The following ZRANB1 variants were observed in gnomAD, a reference collection of about 807,000 sequenced individuals.
The protein encoded by ZRANB1 is ubiquitin thioesterase ZRANB1.
ZRANB1 carries 16 observed loss-of-function variants against 80.5 expected under a neutral mutation model. That is an observed-to-expected ratio of 0.20 (90% confidence interval 0.13 to 0.30). The LOEUF is 0.30. Among genes scored for constraint, ZRANB1 ranks in the 10% least tolerant of loss-of-function variants. ZRANB1 has a pLI of 1.00. For synonymous variants in ZRANB1, 291 were observed against 293.1 expected, an observed-to-expected ratio of 0.99 and a Z score of 0.07; for missense variants, 576 against 862.6, an observed-to-expected ratio of 0.67 and a Z score of 4.16.
At position 124,974,283 on chromosome 10, in the gene ZRANB1, C is replaced by T. The variant is rs2133987173; in HGVS notation, c.1312C>T (p.Arg438Trp). 6.2e-7 allele frequency: 1 copy of T among 1,614,176 alleles called. No individual in the cohort carries two copies. Among genetic ancestry groups the T allele is most frequent in the South Asian group, 1.1e-5 (1 of 91,082 alleles). ...LDSRLYALWN[R>W]TAGDCLLDSV... ...CAGTCGACTGTATGCACTTTGGAAC[C>T]GGACTGCAGGAGACTGCCTACTTGA... is the stretch of plus-strand genomic sequence containing the variant. The change falls in exon 5 of 9, where the codon CGG becomes TGG. Residue 438 changes from arginine (R) to tryptophan (W), a missense_variant. Arg to Trp is a moderately radical substitution (Grantham distance 101, BLOSUM62 -3). This residue lies in a region of ZRANB1 where 411 missense variants were observed against 583.1 expected (regional missense o/e 0.70). Transcript: ENST00000359653.
chr10:124,965,740 T>C (rs2134280698), intron 1 of ZRANB1, among the ~76,000 whole-genome samples: 1 of 152,344 alleles, frequency 6.6e-6, no homozygotes, highest in Non-Finnish European at 1.5e-5. Context: ...ACACTTTTTG[T>C]GGTAAATTGG....
chr10:124,935,847 A>T, the ZRANB1 span, among the ~76,000 whole-genome samples: 1 of 152,202 alleles, frequency 6.6e-6, no homozygotes, highest in Non-Finnish European at 1.5e-5. Context: ...TGGCTGTTTG[A>T]CTGGAAATCG....
In ZRANB1 at chr10:124,942,797, A is replaced by G; in HGVS notation, c.304A>G (p.Ile102Val). 4 of 1,614,238 alleles carry G rather than the reference A, an allele frequency of 2.5e-6. No individual in the cohort carries two copies. Among genetic ancestry groups the G allele is most frequent in the Non-Finnish European group, 2.5e-6 (3 of 1,180,044 alleles). The change falls in exon 1 of 9, where the codon ATC becomes GTC. Residue 102 changes from isoleucine to valine, a missense_variant. Physicochemically the swap from Ile to Val is conservative, Grantham distance 29. Transcript: ENST00000359653. The part of the protein sequence containing the change: ...MCTYLNWPRA[I>V]RCTQCLSQRR... ...TACATATTTGAACTGGCCAAGAGCA[A>G]TCAGATGTACCCAGTGCTTATCCCA...
intron 5 of ZRANB1, among the ~76,000 whole-genome samples, chr10:124,976,548 T>G (rs1027286955): frequency 6.7e-6 from 1 of 150,344 alleles, no homozygotes. Context: ...AGTAATCTTT[T>G]CTTTGGTGGT....
intron 1 of ZRANB1, among the ~76,000 whole-genome samples, chr10:124,943,990 C>T (rs1374390505): frequency 6.6e-6 from 1 of 152,138 alleles, no homozygotes; most frequent in African/African-American, 2.4e-5. Flanking sequence ...TAAATGTTTG[C>T]AAACTTTATG....
chr10:124,941,841 G>C (rs1201106250), upstream of ZRANB1, among the ~76,000 whole-genome samples: 1 of 152,008 alleles, frequency 6.6e-6, no homozygotes, highest in African/African-American at 2.4e-5. Flanking sequence ...GATTATCAAG[G>C]AACTACCTAT....
chr10:124,927,808 G>A, the ZRANB1 span, among the ~76,000 whole-genome samples: 1 of 152,098 alleles, frequency 6.6e-6, no homozygotes, highest in Admixed American at 6.5e-5. Context: ...AGGCTGAGGC[G>A]GGCAGATCAC....
At chr10:124,951,550 A>G (rs1056903291) in intron 1 of ZRANB1, among the ~76,000 whole-genome samples, 21 of 152,242 alleles carry the variant, frequency 1.4e-4, no homozygotes, top group African/African-American at 4.8e-4. Flanking sequence ...AGAAAAAAAT[A>G]GAAGAGGCTT....
chr10:124,940,537 C>A, upstream of ZRANB1: 1 of 1,289,112 alleles, frequency 7.8e-7, no homozygotes, highest in Non-Finnish European at 1.0e-6. Context: ...AGCGTGGGAA[C>A]TAAAATCTTA....
At chr10:124,935,936 A>G in the ZRANB1 span, among the ~76,000 whole-genome samples, 7 of 152,198 alleles carry the variant, frequency 4.6e-5, no homozygotes, top group African/African-American at 1.4e-4. Flanking sequence ...ACTAGCCCCA[A>G]GAGGAAATAT....
At chr10:124,976,170 T>C (rs980418373) in intron 5 of ZRANB1, among the ~76,000 whole-genome samples, 4 of 152,174 alleles carry the variant, frequency 2.6e-5, no homozygotes, top group Non-Finnish European at 5.9e-5. Flanking sequence ...GAGAGAGGGC[T>C]CTTTTGTGCC....
chr10:124,926,717 A>G, the ZRANB1 span, among the ~76,000 whole-genome samples: 1 of 152,198 alleles, frequency 6.6e-6, no homozygotes, highest in South Asian at 2.1e-4. Context: ...TCATGATCAG[A>G]TATTACGTAC....
upstream of ZRANB1, among the ~76,000 whole-genome samples, chr10:124,937,984 T>G (rs1271911161): frequency 6.6e-6 from 1 of 152,234 alleles, no homozygotes; most frequent in Admixed American, 6.5e-5. Flanking sequence ...GGTTTTATTT[T>G]ACCAATTAAT....
chr10:124,925,944 A>G, the ZRANB1 span, among the ~76,000 whole-genome samples: 1 of 152,228 alleles, frequency 6.6e-6, no homozygotes, highest in Non-Finnish European at 1.5e-5. Flanking sequence ...ACTGCACAGT[A>G]GGCCATGGGT....
chr10:124,964,160 G>A (rs555355378), intron 1 of ZRANB1, among the ~76,000 whole-genome samples: 1 of 152,246 alleles, frequency 6.6e-6, no homozygotes, highest in South Asian at 2.1e-4. Flanking sequence ...TGTGTATATC[G>A]GCTTTATTGA....
chr10:124,949,887 T>G (rs1951621718), intron 1 of ZRANB1, among the ~76,000 whole-genome samples: 1 of 152,160 alleles, frequency 6.6e-6, no homozygotes, highest in Non-Finnish European at 1.5e-5. Context: ...CAGTAATGCC[T>G]CCCGGTGCTC....
At chr10:124,922,648 A>G in the ZRANB1 span, among the ~76,000 whole-genome samples, 1 of 151,140 alleles carries the variant, frequency 6.6e-6, no homozygotes, top group Non-Finnish European at 1.5e-5. Context: ...ACGTGCCACC[A>G]TGCCCAGCTC....
At chr10:124,974,787 T>C (rs946631723) in intron 5 of ZRANB1, among the ~76,000 whole-genome samples, 7 of 152,298 alleles carry the variant, frequency 4.6e-5, no homozygotes, top group African/African-American at 1.7e-4. Flanking sequence ...TAGGGATTGA[T>C]TGACTGATTG....
chr10:124,982,791 CTT>C (rs1951950596), intron 6 of ZRANB1, among the ~76,000 whole-genome samples: 1 of 151,428 alleles, frequency 6.6e-6, no homozygotes, highest in Non-Finnish European at 1.5e-5. Flanking sequence ...AACAGGCTCA[CTT>C]ATTTATTTCA....
Sources: allele counts gnomAD v4.1 joint callset (sites outside exome capture counted in the v4.1 genomes callset), GRCh38; gene constraint gnomAD v4.1.1; regional missense constraint gnomAD v4.1.1; transcripts MANE v1.5; gene names NCBI Gene and HGNC (gene_info 2026-07-23, HGNC 2026-07-21).